Variants in SDK2 observed in about 807,000 individuals in gnomAD.
The protein encoded by SDK2 is protein sidekick-2.
In SDK2, 105 loss-of-function variants were observed where a neutral mutation model predicts 253.9. The observed-to-expected ratio is 0.41, with a 90% CI of 0.35 to 0.49. SDK2 has a LOEUF of 0.49. Among genes scored for constraint, SDK2 ranks in the 20% least tolerant of loss-of-function variants. SDK2 has a pLI of 0.06. For synonymous variants in SDK2, 1,249 were observed against 1,234.9 expected (o/e 1.01, Z -0.24); for missense variants, 2,608 against 3,003.0 (o/e 0.87, Z 3.07).
In SDK2 at chr17:73,395,261, G is replaced by C. The variant is rs779642580; in HGVS notation, c.3486C>G (p.Ile1162Met). 2.5e-6 allele frequency: 4 copies of C among 1,613,838 alleles called. No individual in the cohort carries two copies. The highest frequency in any genetic ancestry group is 2.2e-5 in the East Asian group (1 of 44,866). Residue 1162 changes from isoleucine to methionine, a missense_variant, in exon 25 of 45, where the codon ATC (isoleucine) becomes ATG (methionine). Physicochemically the swap from Ile to Met is conservative, Grantham distance 10 (BLOSUM62 1). This residue lies in a region of SDK2 where 1,505 missense variants were observed against 1,859.1 expected (regional missense o/e 0.81). Transcript: ENST00000392650. The surrounding 1 kb of genome is among the most constrained non-coding windows in gnomAD (Gnocchi z 4.3). ...VQDRVERDYT[I>M]EDLEEWTEYR... is the part of the protein sequence containing the mutation. ...ACTCTGTCCACTCCTCCAGGTCCTC[G>C]ATGGTGTAGTCCCGCTCCACACGGT...
intron 40 of SDK2, among the ~76,000 whole-genome samples, chr17:73,354,707 C>T (rs1169225384): frequency 6.6e-6 from 1 of 152,150 alleles, no homozygotes; most frequent in Admixed American, 6.5e-5. Context: ...GCCGCTGCCA[C>T]CAGGGACTAA....
intron 36 of SDK2, among the ~76,000 whole-genome samples, chr17:73,373,068 T>C (rs2062750269): frequency 6.6e-6 from 1 of 152,258 alleles, no homozygotes; most frequent in Admixed American, 6.5e-5. Context: ...TTCTACTCTC[T>C]GTTCCTATGA....
chr17:73,614,279 T>G (rs2046019114), intron 1 of SDK2, among the ~76,000 whole-genome samples: 1 of 152,216 alleles, frequency 6.6e-6, no homozygotes, highest in Admixed American at 6.5e-5. Context: ...TACAGTTAAG[T>G]GCAGGAAGGG....
chr17:73,548,448 G>T (rs1248977334), intron 1 of SDK2, among the ~76,000 whole-genome samples: 5 of 152,226 alleles, frequency 3.3e-5, no homozygotes. Flanking sequence ...TGCTCTCTAA[G>T]CTCCCCCTGC....
At chr17:73,344,927 T>C (rs968941761) in intron 44 of SDK2, among the ~76,000 whole-genome samples, 1 of 152,194 alleles carries the variant, frequency 6.6e-6, no homozygotes, top group Non-Finnish European at 1.5e-5. Context: ...GAGGCCCAGC[T>C]CAAATAAATG....
At position 73,383,778 on chromosome 17, in the gene SDK2, G is replaced by T; in HGVS notation, c.4705+98C>A. The T allele has an allele frequency of 6.7e-7, 1 of 1,486,272 alleles. No individual in the cohort carries two copies. Among genetic ancestry groups the T allele is most frequent in the Non-Finnish European group, 9.3e-7 (1 of 1,078,830 alleles). The allele number at this position is 1,486,272 out of a possible 1,614,324, so 92.1% of individuals were successfully genotyped here. A position where few individuals can be genotyped will look rare whatever the true frequency, so the allele number is the denominator to read the frequency against. ...CATGGAGGAGGGAGGCAAGGTTTCA[G>T]GTTAGAGTGGTTCCAGGAAGCTGAG... On this transcript the variant is annotated intron_variant, in intron 33 of 44. Transcript: ENST00000392650. The surrounding 1 kb of genome is among the most constrained non-coding windows in gnomAD (Gnocchi z 4.3).
In SDK2 at chr17:73,540,454, T is replaced by C. The variant is rs572702436; in HGVS notation, c.65-32857A>G. 2.0e-5 allele frequency among the ~76,000 whole-genome samples: 3 copies of C among 152,330 alleles called. No homozygotes were observed. In the South Asian group the frequency reaches 6.2e-4, roughly 32 times the overall value. Reference sequence around the variant, plus strand: ...ATGCTTCTTGCTGTCGCAATGAGACTACTTTAGCTTCAGCAGGGTCTCTCA... The same window carrying C: ...ATGCTTCTTGCTGTCGCAATGAGACCACTTTAGCTTCAGCAGGGTCTCTCA... On this transcript the variant is annotated intron_variant, in intron 1 of 44. Transcript: ENST00000392650.
Position 73,416,696 on chromosome 17 carries a change from TCTC to T in SDK2, c.2187-707_2187-705del, listed in dbSNP as rs1015526149. On this transcript the variant is annotated intron_variant, in intron 16 of 44. Transcript: ENST00000392650. ...CCTCCACCTGCCAGGTTCAAGCAAT[TCTC>T]CTGCCTCAGCCTCCCAAGTAGCTGG... Among the ~76,000 whole-genome samples, 89 of 152,094 alleles carry T rather than the reference TCTC, an allele frequency of 5.9e-4. 1 individual carries two copies. The highest frequency in any genetic ancestry group is 2.0e-3 in the African/African-American group (85 of 41,478).
chr17:73,569,346 C>T (rs968266251), intron 1 of SDK2, among the ~76,000 whole-genome samples: 10 of 152,028 alleles, frequency 6.6e-5, no homozygotes, highest in East Asian at 3.9e-4. Flanking sequence ...TACGGGCGCA[C>T]GCCACCACAC....
chr17:73,438,101 C>T lies in SDK2; in HGVS notation c.779G>A (p.Gly260Asp). 1.3e-6 allele frequency: 2 copies of T among 1,551,704 alleles called. No individual in the cohort carries two copies. Among genetic ancestry groups the T allele is most frequent in the Non-Finnish European group, 1.7e-6 (2 of 1,147,004 alleles). The change falls in exon 7 of 45, where the codon GGC (glycine) becomes GAC (aspartate). Residue 260 changes from glycine to aspartate, a missense_variant. Transcript: ENST00000392650. ...CCGGCGGTTGTGGTCACTGATGCCG[C>T]CCGACAGCAATACCCCGTCCTTCTT... ...IWKKDGVLLSGGISDHNRRLT... is the reference protein window; with the variant it reads ...IWKKDGVLLSDGISDHNRRLT...
intron 18 of SDK2, among the ~76,000 whole-genome samples, chr17:73,405,140 A>G (rs2063060442): frequency 6.6e-6 from 1 of 150,600 alleles, no homozygotes; most frequent in Admixed American, 6.6e-5. Flanking sequence ...TCTAGCTACT[A>G]AAGTTAGAAA....
chr17:73,635,041 A>C (rs2046313386), intron 1 of SDK2, among the ~76,000 whole-genome samples: 1 of 151,366 alleles, frequency 6.6e-6, no homozygotes, highest in Non-Finnish European at 1.5e-5. Context: ...GCTGGAGTGC[A>C]GTGGCGCCAT....
rs968565842 is a variant in SDK2 at position 73,369,807 on chromosome 17, G to A, written c.4981-1214C>T. On this transcript the variant is annotated intron_variant, in intron 36 of 44. Transcript: ENST00000392650. ...GACACAGGCACCCGCCACCACGCCC[G>A]GCTAATTTTTGGATTTTTAGTAGAG... Among the ~76,000 whole-genome samples, 4 of 152,136 alleles carry A rather than the reference G, an allele frequency of 2.6e-5. No homozygotes were observed. The East Asian group carries it at 7.7e-4, about 29-fold the overall frequency.
In SDK2 at chr17:73,398,303, C is replaced by T. The variant is rs1026101103; in HGVS notation, c.3203+17G>A. ...AGCCCTGAGGCTGCTGCCTTCTCCCCGGGCCAGTCTCATTACCTGTAGCAG... is the reference window on the plus strand; with the variant it reads ...AGCCCTGAGGCTGCTGCCTTCTCCCTGGGCCAGTCTCATTACCTGTAGCAG... On this transcript the variant is annotated intron_variant, in intron 23 of 44. Transcript: ENST00000392650. 13 of 1,612,316 alleles carry T rather than the reference C, an allele frequency of 8.1e-6. No individual in the cohort carries two copies. Among genetic ancestry groups the T allele is most frequent in the Middle Eastern group, 1.7e-4 (1 of 6,054 alleles).
intron 1 of SDK2, among the ~76,000 whole-genome samples, chr17:73,549,131 G>A (rs2045015032): frequency 2.6e-5 from 4 of 152,208 alleles, no homozygotes; most frequent in East Asian, 1.9e-4. Context: ...ATTTCCCTGC[G>A]AAGGAAAAAC....
intron 18 of SDK2, among the ~76,000 whole-genome samples, chr17:73,405,723 CTTT>C (rs537794783): frequency 3.6e-5 from 5 of 139,700 alleles, no homozygotes; most frequent in Non-Finnish European, 4.7e-5. Context: ...TCTTATATAT[CTTT>C]TTTTTTTTTT....
chr17:73,537,079 G>A (rs74658763), intron 1 of SDK2, among the ~76,000 whole-genome samples: 1 of 152,174 alleles, frequency 6.6e-6, no homozygotes, highest in Non-Finnish European at 1.5e-5. Context: ...GCTGGTTGGA[G>A]GTGGCGGCTC....
intron 1 of SDK2, among the ~76,000 whole-genome samples, chr17:73,641,622 G>C (rs2046399844): frequency 6.6e-6 from 1 of 150,946 alleles, no homozygotes; most frequent in Non-Finnish European, 1.5e-5. Flanking sequence ...GCTAGGCTCA[G>C]ATAAAATCTG....
At chr17:73,389,404 GA>G (rs964408675) in intron 29 of SDK2, among the ~76,000 whole-genome samples, 4 of 152,046 alleles carry the variant, frequency 2.6e-5, no homozygotes, top group Non-Finnish European at 4.4e-5. Flanking sequence ...GGACGGCCTT[GA>G]ACTCCCGACC....
Sources: allele counts gnomAD v4.1 joint callset (sites outside exome capture counted in the v4.1 genomes callset), GRCh38; gene constraint gnomAD v4.1.1; regional missense constraint gnomAD v4.1.1; non-coding constraint Gnocchi (gnomAD v3.1); transcripts MANE v1.5; gene names NCBI Gene and HGNC (gene_info 2026-07-23, HGNC 2026-07-21).